KCNK9: variants seen among roughly 807,000 people sequenced by gnomAD.
KCNK9 encodes potassium channel subfamily K member 9.
Under a neutral mutation model 10.8 loss-of-function variants are expected in KCNK9, and 1 was observed. The observed-to-expected ratio is 0.09, with a 90% CI of 0.03 to 0.44. The LOEUF (loss-of-function observed/expected upper bound fraction) is 0.44, where lower values mean the gene tolerates loss of function less well. KCNK9 is among the 20% of genes least tolerant of loss of function. KCNK9 has a pLI of 0.97. For synonymous variants in KCNK9, 231 were observed against 222.7 expected, an observed-to-expected ratio of 1.04 and a Z score of -0.33; for missense variants, 303 against 515.0, an observed-to-expected ratio of 0.59 and a Z score of 3.98.
At chr8:139,658,820 C>T (rs888767295) in intron 1 of KCNK9, among the ~76,000 whole-genome samples, 10 of 152,254 alleles carry the variant, frequency 6.6e-5, no homozygotes, top group Non-Finnish European at 5.9e-5. Flanking sequence ...TGGGCTGTTC[C>T]CTGCCCATGT....
intron 1 of KCNK9, among the ~76,000 whole-genome samples, chr8:139,630,513 C>T (rs1815132024): frequency 6.6e-6 from 1 of 152,216 alleles, no homozygotes; most frequent in Non-Finnish European, 1.5e-5. Context: ...ACTTAGCCAC[C>T]CACACCCTTC....
intron 1 of KCNK9, among the ~76,000 whole-genome samples, chr8:139,667,713 T>A (rs1000952626): frequency 6.6e-6 from 1 of 151,576 alleles, no homozygotes; most frequent in Non-Finnish European, 1.5e-5. Flanking sequence ...AAAATGGTCC[T>A]CACAACATTC....
At chr8:139,654,525 C>A (rs570079312) in intron 1 of KCNK9, among the ~76,000 whole-genome samples, 1 of 152,324 alleles carries the variant, frequency 6.6e-6, no homozygotes, top group Admixed American at 6.5e-5. Context: ...CAACAGACTT[C>A]TCCCCACCTC....
At chr8:139,663,259 G>T (rs1165105648) in intron 1 of KCNK9, among the ~76,000 whole-genome samples, 1 of 152,096 alleles carries the variant, frequency 6.6e-6, no homozygotes, top group African/African-American at 2.4e-5. Context: ...AGGCCACCCA[G>T]CATCAAAGCC....
Position 139,699,421 on chromosome 8 carries a change from G to A in KCNK9, c.283+3289C>T, listed in dbSNP as rs570661045. 5.7e-4 allele frequency among the ~76,000 whole-genome samples: 87 copies of A among 152,268 alleles called. 1 individual carries two copies. Among genetic ancestry groups the A allele is most frequent in the African/African-American group, 1.9e-3 (79 of 41,540 alleles). On this transcript the variant is annotated intron_variant, in intron 1 of 1. Coordinates refer to ENST00000520439, the MANE Select transcript of KCNK9 (RefSeq NM_001282534.2). ...CACTTCCACCAACAGGTGGTGGGGC[G>A]GGGGTTGGGGGGAAACTCAGACTGA...
chr8:139,609,309 G>T (rs1331513310), downstream of KCNK9, among the ~76,000 whole-genome samples: 1 of 125,972 alleles, frequency 7.9e-6, no homozygotes. Flanking sequence ...ATCTTCACTT[G>T]CACGGTGCTA....
At chr8:139,637,559 C>A (rs1382906739) in intron 1 of KCNK9, among the ~76,000 whole-genome samples, 1 of 152,138 alleles carries the variant, frequency 6.6e-6, no homozygotes, top group African/African-American at 2.4e-5. Context: ...ATGACGTCAT[C>A]TAAAACAGTC....
intron 1 of KCNK9, among the ~76,000 whole-genome samples, chr8:139,620,535 C>A (rs367866079): frequency 9.9e-5 from 15 of 152,184 alleles, no homozygotes; most frequent in African/African-American, 3.6e-4. Context: ...CATGAAGCTG[C>A]CTCTGACGGC....
intron 1 of KCNK9, among the ~76,000 whole-genome samples, chr8:139,633,507 A>G (rs1438943706): frequency 6.6e-6 from 1 of 152,198 alleles, no homozygotes; most frequent in African/African-American, 2.4e-5. Context: ...GGATTGCTGC[A>G]CAACTACGGT....
exon 3 of KCNK9, chr8:139,601,123 A>G (rs1312810849): frequency 6.6e-6 from 1 of 152,180 alleles, no homozygotes; most frequent in Non-Finnish European, 1.5e-5. Context: ...GCAGACGGGG[A>G]AACCCCACGG....
At chr8:139,609,113 C>CCCGCCCCACCCCGCCCCGCT (rs1814333205), downstream of KCNK9, among the ~76,000 whole-genome samples, 1 of 145,800 alleles carries the variant, frequency 6.9e-6, no homozygotes, top group African/African-American at 2.6e-5. Flanking sequence ...CCCACCCCAC[C>CCCGCCCCACCCCGCCCCGCT]CCGCCCCGCT....
intron 1 of KCNK9, among the ~76,000 whole-genome samples, chr8:139,664,210 C>A (rs1008695679): frequency 6.6e-6 from 1 of 152,214 alleles, no homozygotes; most frequent in African/African-American, 2.4e-5. Flanking sequence ...TCTTTCAGGT[C>A]CTTCGTCTCC....
chr8:139,664,066 C>T (rs916121453), intron 1 of KCNK9, among the ~76,000 whole-genome samples: 1 of 152,200 alleles, frequency 6.6e-6, no homozygotes, highest in Non-Finnish European at 1.5e-5. Context: ...GATCAAGCCG[C>T]CTGCCCAAGG....
At chr8:139,687,576 A>ATATGTATACATATATATTCATATG (rs1277814793) in intron 1 of KCNK9, among the ~76,000 whole-genome samples, 1 of 76,104 alleles carries the variant, frequency 1.3e-5, no homozygotes, top group East Asian at 3.0e-4. Context: ...ATATTCATAT[A>ATATGTATACATATATATTCATATG]TATGTATACA....
At chr8:139,636,721 T>G (rs747130188) in intron 1 of KCNK9, among the ~76,000 whole-genome samples, 6 of 152,210 alleles carry the variant, frequency 3.9e-5, no homozygotes, top group Non-Finnish European at 7.3e-5. Flanking sequence ...TTGTAACAAC[T>G]GGAAAAGTGT....
chr8:139,646,671 CTGAA>C (rs1473783276), intron 1 of KCNK9, among the ~76,000 whole-genome samples: 1 of 152,230 alleles, frequency 6.6e-6, no homozygotes, highest in South Asian at 2.1e-4. Context: ...TGCTGACTGA[CTGAA>C]TGAATGAATG....
chr8:139,675,291 T>A (rs976098020), intron 1 of KCNK9, among the ~76,000 whole-genome samples: 1 of 152,234 alleles, frequency 6.6e-6, no homozygotes, highest in Non-Finnish European at 1.5e-5. Context: ...CCTGCCCCAC[T>A]GCCTGGGCAT....
At position 139,688,442 on chromosome 8, in the gene KCNK9, G is replaced by A. The variant is rs116639829; in HGVS notation, c.283+14268C>T. 6.6e-5 allele frequency among the ~76,000 whole-genome samples: 10 copies of A among 152,330 alleles called. No homozygotes were observed. The South Asian group carries it at 1.0e-3, about 16-fold the overall frequency. On this transcript the variant is annotated intron_variant, in intron 1 of 1. Coordinates refer to ENST00000520439, the MANE Select transcript of KCNK9 (RefSeq NM_001282534.2). Reference sequence around the variant, plus strand: ...GGCAGAAAAGAGTGAGTGCAAGAACGAGGAAGTGCCACACTTTAAAACCAT... The same window carrying A: ...GGCAGAAAAGAGTGAGTGCAAGAACAAGGAAGTGCCACACTTTAAAACCAT...
chr8:139,652,162 C>T (rs572808200), intron 1 of KCNK9, among the ~76,000 whole-genome samples: 1 of 152,156 alleles, frequency 6.6e-6, no homozygotes, highest in Non-Finnish European at 1.5e-5. Context: ...TGATCCCCAG[C>T]TTGCAGAGAT....
Sources: allele counts gnomAD v4.1 joint callset (sites outside exome capture counted in the v4.1 genomes callset), GRCh38; gene constraint gnomAD v4.1.1; transcripts MANE v1.5; gene names NCBI Gene and HGNC (gene_info 2026-07-23, HGNC 2026-07-21).